Variants in OR51B5 observed in about 807,000 individuals in gnomAD.
OR51B5 encodes olfactory receptor 51B5.
For synonymous variants in OR51B5, 186 were observed against 144.8 expected (o/e 1.28, Z -2.04); for missense variants, 456 against 374.6 (o/e 1.22, Z -1.79).
rs186899542 is a variant in OR51B5 at position 5,501,383 on chromosome 11, T to C, written n.84+4186A>G. Reference sequence around the variant, plus strand: ...GGCTTACGATAGTCTTAAAAGTTTATTTAAATAAATCAAATAAAATCCTGA... The same window carrying C: ...GGCTTACGATAGTCTTAAAAGTTTACTTAAATAAATCAAATAAAATCCTGA... On this transcript the variant is annotated intron_variant and non_coding_transcript_variant, in intron 1 of 4. Transcript: ENST00000415970. Among the ~76,000 whole-genome samples, 9 of 148,378 alleles carry C rather than the reference T, an allele frequency of 6.1e-5. No homozygotes were observed. In the East Asian group the frequency reaches 1.6e-3, roughly 26 times the overall value.
intron 1 of OR51B5, among the ~76,000 whole-genome samples, chr11:5,379,146 T>A (rs1378958855): frequency 6.6e-6 from 1 of 151,716 alleles, no homozygotes; most frequent in African/African-American, 2.4e-5. Context: ...AAATGATGAG[T>A]TCATGTCCTT....
At chr11:5,356,037 A>G (rs2133692681) in intron 1 of OR51B5, among the ~76,000 whole-genome samples, 1 of 152,180 alleles carries the variant, frequency 6.6e-6, no homozygotes, top group South Asian at 2.1e-4. Context: ...AAAACAGAGC[A>G]GAAAAACTGG....
chr11:5,420,795 T>G (rs1259445952), intron 1 of OR51B5, among the ~76,000 whole-genome samples: 1 of 152,214 alleles, frequency 6.6e-6, no homozygotes, highest in African/African-American at 2.4e-5. Flanking sequence ...TAGCTAACTA[T>G]TGAATAATTT....
intron 1 of OR51B5, among the ~76,000 whole-genome samples, chr11:5,406,367 G>C (rs1850058345): frequency 6.6e-6 from 1 of 152,022 alleles, no homozygotes; most frequent in Admixed American, 6.6e-5. Context: ...CTGAAGTCCA[G>C]TCTCAGAGAC....
Position 5,355,289 on chromosome 11 carries a change from A to G in OR51B5, n.85-8379T>C, listed in dbSNP as rs538509599. 1.3e-4 allele frequency: 21 copies of G among 162,720 alleles called. 2 individuals are homozygous for G. In the South Asian group the frequency reaches 2.7e-3, roughly 21 times the overall value. 10.1% of individuals were successfully genotyped at this position (162,720 alleles called of 1,614,324 possible). On this transcript the variant is annotated intron_variant and non_coding_transcript_variant, in intron 1 of 4. Transcript: ENST00000415970. ...TTATAGTCAAGACGAATTGGATTTT[A>G]TATTAATACTTTCAAAAACATCTCC... is the stretch of plus-strand genomic sequence containing the variant.
intron 1 of OR51B5, chr11:5,454,654 ATTAGACAAG>A (rs1850924926): frequency 1.6e-5 from 6 of 384,666 alleles, no homozygotes; most frequent in African/African-American, 2.1e-5. Context: ...CAATTGAGTA[ATTAGACAAG>A]TTTTACAGAG....
intron 1 of OR51B5, among the ~76,000 whole-genome samples, chr11:5,439,968 C>A (rs1850651571): frequency 6.6e-6 from 1 of 152,172 alleles, no homozygotes; most frequent in African/African-American, 2.4e-5. Flanking sequence ...AACGTTTCTG[C>A]CTAAGTGTTT....
chr11:5,486,635 C>T (rs1427577550), intron 1 of OR51B5, among the ~76,000 whole-genome samples: 1 of 152,188 alleles, frequency 6.6e-6, no homozygotes, highest in African/African-American at 2.4e-5. Context: ...CCCCTGCATT[C>T]ATCATTGTTT....
At chr11:5,383,624 A>G (rs1161304566) in intron 1 of OR51B5, among the ~76,000 whole-genome samples, 1 of 152,196 alleles carries the variant, frequency 6.6e-6, no homozygotes, top group African/African-American at 2.4e-5. Context: ...GTTGCAGCAG[A>G]TGTCTGTGTA....
intron 1 of OR51B5, among the ~76,000 whole-genome samples, chr11:5,458,043 T>C (rs993742555): frequency 3.3e-5 from 5 of 152,194 alleles, no homozygotes; most frequent in African/African-American, 9.6e-5. Context: ...TCCCAAGGCC[T>C]TTGTCCAGAA....
intron 1 of OR51B5, chr11:5,456,446 T>G (rs1850960053): frequency 6.6e-6 from 1 of 152,226 alleles, no homozygotes; most frequent in Non-Finnish European, 1.5e-5. Flanking sequence ...AAGCCCTGTT[T>G]TTGTTTTTTT....
upstream of OR51B5, among the ~76,000 whole-genome samples, chr11:5,348,212 A>G (rs1849024393): frequency 6.6e-6 from 1 of 152,150 alleles, no homozygotes; most frequent in African/African-American, 2.4e-5. Flanking sequence ...TAAAAAAGTG[A>G]AGGATAGATT....
chr11:5,345,303 C>G (rs1247555899), upstream of OR51B5, among the ~76,000 whole-genome samples: 1 of 151,970 alleles, frequency 6.6e-6, no homozygotes, highest in Non-Finnish European at 1.5e-5. Flanking sequence ...AGTTAGAAAG[C>G]TATTTTAAAA....
chr11:5,442,248 G>T (rs1850700338), intron 1 of OR51B5, among the ~76,000 whole-genome samples: 1 of 151,968 alleles, frequency 6.6e-6, no homozygotes, highest in Non-Finnish European at 1.5e-5. Context: ...GTATGCAGCT[G>T]GATAAAACCA....
chr11:5,366,675 AAGAAGAAGAAGGAGAAGG>A (rs1415192499), intron 1 of OR51B5, among the ~76,000 whole-genome samples: 2 of 151,366 alleles, frequency 1.3e-5, no homozygotes, highest in Admixed American at 6.6e-5. Context: ...GGAAGAGAAG[AAGAAGAAGAAGGAGAAGG>A]AGAAGAAAAA....
chr11:5,479,673 C>G, intron 1 of OR51B5, among the ~76,000 whole-genome samples: 1 of 151,316 alleles, frequency 6.6e-6, no homozygotes, highest in East Asian at 1.9e-4. Context: ...GAAGATCTAC[C>G]AAGCAAATGG....
At chr11:5,489,697 T>C (rs768358568) in intron 1 of OR51B5, 6 of 1,430,092 alleles carry the variant, frequency 4.2e-6, no homozygotes, top group Non-Finnish European at 5.9e-6. Context: ...TAAAAAAAAG[T>C]GTAGGATGGC....
At chr11:5,374,056 G>A (rs1426614176) in intron 1 of OR51B5, among the ~76,000 whole-genome samples, 3 of 152,112 alleles carry the variant, frequency 2.0e-5, no homozygotes, top group Non-Finnish European at 4.4e-5. Context: ...CCTGACCCCC[G>A]AGCAGCCTAA....
intron 1 of OR51B5, among the ~76,000 whole-genome samples, chr11:5,434,526 T>C (rs187989747): frequency 1.2e-4 from 19 of 152,278 alleles, no homozygotes; most frequent in Non-Finnish European, 2.5e-4. Context: ...CTCTTTTGAA[T>C]CTGTCTAATT....
Sources: allele counts gnomAD v4.1 joint callset (sites outside exome capture counted in the v4.1 genomes callset), GRCh38; gene constraint gnomAD v4.1.1; transcripts MANE v1.5; gene names NCBI Gene and HGNC (gene_info 2026-07-23, HGNC 2026-07-21).